The following CNTNAP5 variants were observed in gnomAD, a reference collection of about 807,000 sequenced individuals.
The protein encoded by CNTNAP5 is contactin associated protein family member 5.
Under a neutral mutation model 150.2 loss-of-function variants are expected in CNTNAP5, and 72 were observed. The observed-to-expected ratio is 0.48, with a 90% confidence interval of 0.40 to 0.58. The LOEUF (loss-of-function observed/expected upper bound fraction) is 0.58. Among genes scored for constraint, CNTNAP5 ranks in the 20% least tolerant of loss-of-function variants. CNTNAP5 has a pLI of 0.00. For synonymous variants in CNTNAP5, 672 were observed against 619.8 expected, an observed-to-expected ratio of 1.08 and a Z score of -1.25; for missense variants, 1,636 against 1,626.2, an observed-to-expected ratio of 1.01 and a Z score of -0.10.
chr2:124,164,305 T>C (rs1484557036), intron 1 of CNTNAP5, among the ~76,000 whole-genome samples: 1 of 152,192 alleles, frequency 6.6e-6, no homozygotes, highest in African/African-American at 2.4e-5. Flanking sequence ...AGTGACTGGC[T>C]ATCTCCTCAA....
chr2:124,410,895 G>A (rs1333653964), intron 3 of CNTNAP5, among the ~76,000 whole-genome samples: 1 of 151,490 alleles, frequency 6.6e-6, no homozygotes, highest in Non-Finnish European at 1.5e-5. Flanking sequence ...AGAACTGAAG[G>A]AAATAGAGAC....
chr2:124,670,648 TG>T (rs1678804831), intron 13 of CNTNAP5, among the ~76,000 whole-genome samples: 1 of 126,694 alleles, frequency 7.9e-6, no homozygotes, highest in Non-Finnish European at 1.7e-5. Flanking sequence ...TTGCACTTGT[TG>T]TTGTTGTTTG....
At chr2:124,477,951 ACACT>A (rs1363700929) in intron 7 of CNTNAP5, among the ~76,000 whole-genome samples, 1 of 152,076 alleles carries the variant, frequency 6.6e-6, no homozygotes, top group Non-Finnish European at 1.5e-5. Context: ...AAAACATTGC[ACACT>A]CATTGTTCAT....
In CNTNAP5 at chr2:124,463,746, G is replaced by A. The variant is rs551256260; in HGVS notation, c.919-10993G>A. On this transcript the variant is annotated intron_variant, in intron 6 of 23. Coordinates refer to ENST00000682447, the MANE Select transcript of CNTNAP5 (RefSeq NM_001367498.1). ...CAATGTTTCAGGCAAATGAGGACAA[G>A]TTGGTCACCTTAGCCTGGGACTTTT... is the stretch of plus-strand genomic sequence containing the variant. Among the ~76,000 whole-genome samples, 60 of 152,310 alleles carry A rather than the reference G, an allele frequency of 3.9e-4. No homozygotes were observed. The Middle Eastern group carries it at 0.014, about 35-fold the overall frequency.
intron 19 of CNTNAP5, among the ~76,000 whole-genome samples, chr2:124,811,854 A>C (rs1451487883): frequency 2.0e-5 from 3 of 147,330 alleles, no homozygotes; most frequent in Non-Finnish European, 3.0e-5. Flanking sequence ...AGGCAGGAGA[A>C]TCGCTTGAAC....
chr2:124,443,111 T>C (rs144444140), intron 5 of CNTNAP5, among the ~76,000 whole-genome samples: 1 of 152,126 alleles, frequency 6.6e-6, no homozygotes, highest in East Asian at 1.9e-4. Context: ...CCAAGCGAGA[T>C]AATATCCACA....
At position 124,508,188 on chromosome 2, in the gene CNTNAP5, C is replaced by T. The variant is rs767714470; in HGVS notation, c.1327+3632C>T. 5.9e-5 allele frequency among the ~76,000 whole-genome samples: 9 copies of T among 152,216 alleles called. No individual in the cohort carries two copies. In the South Asian group the frequency reaches 6.2e-4, roughly 11 times the overall value. On this transcript the variant is annotated intron_variant, in intron 8 of 23. Coordinates refer to ENST00000682447, the MANE Select transcript of CNTNAP5 (RefSeq NM_001367498.1). ...CTATTTAACACATTTTTCTTCCTTCCGTGCTGACTCAAGAGATACAGCTAG... is the reference window on the plus strand; with the variant it reads ...CTATTTAACACATTTTTCTTCCTTCTGTGCTGACTCAAGAGATACAGCTAG...
intron 3 of CNTNAP5, among the ~76,000 whole-genome samples, chr2:124,280,871 T>C (rs751416542): frequency 6.6e-6 from 1 of 152,130 alleles, no homozygotes; most frequent in Non-Finnish European, 1.5e-5. Context: ...GAAGCCACCA[T>C]TTCTGTTATT....
At chr2:124,078,117 C>A (rs1441301160) in intron 1 of CNTNAP5, among the ~76,000 whole-genome samples, 2 of 152,116 alleles carry the variant, frequency 1.3e-5, no homozygotes, top group Admixed American at 6.6e-5. Context: ...AGATTCAATC[C>A]TTGAAAGGAC....
At chr2:124,280,917 C>T (rs901075417) in intron 3 of CNTNAP5, among the ~76,000 whole-genome samples, 15 of 152,236 alleles carry the variant, frequency 9.9e-5, no homozygotes, top group Middle Eastern at 3.4e-3. Flanking sequence ...TAGACCTTCC[C>T]ATAACCAAAA....
intron 21 of CNTNAP5, among the ~76,000 whole-genome samples, chr2:124,899,449 T>C (rs954530522): frequency 1.3e-5 from 2 of 151,572 alleles, no homozygotes; most frequent in African/African-American, 4.9e-5. Context: ...ATCAAGAACC[T>C]TATTTTGATG....
intron 3 of CNTNAP5, among the ~76,000 whole-genome samples, chr2:124,339,795 G>A (rs1294012614): frequency 1.3e-5 from 2 of 152,080 alleles, no homozygotes; most frequent in African/African-American, 4.8e-5. Flanking sequence ...GGTGGGCAGG[G>A]GTGAGGGAAT....
In CNTNAP5 at chr2:124,635,360, A is replaced by G. The variant is rs537493033; in HGVS notation, c.1877-12398A>G. Among the ~76,000 whole-genome samples, 12 of 152,284 alleles carry G rather than the reference A, an allele frequency of 7.9e-5. No homozygotes were observed. The East Asian group carries it at 2.3e-3, about 29-fold the overall frequency. On this transcript the variant is annotated intron_variant, in intron 12 of 23. Coordinates refer to ENST00000682447, the MANE Select transcript of CNTNAP5 (RefSeq NM_001367498.1). ...CCATTAGAAATTGCCACCATGTTCC[A>G]GTCACCTCCCACCAGGATTCATCTC...
intron 4 of CNTNAP5, among the ~76,000 whole-genome samples, chr2:124,422,029 G>A (rs1052543999): frequency 1.1e-4 from 17 of 152,168 alleles, no homozygotes; most frequent in Admixed American, 1.1e-3. Flanking sequence ...ATGAGACCAG[G>A]CACCTTGTCT....
At chr2:124,333,888 A>G (rs1689409148) in intron 3 of CNTNAP5, among the ~76,000 whole-genome samples, 1 of 152,244 alleles carries the variant, frequency 6.6e-6, no homozygotes, top group East Asian at 1.9e-4. Context: ...TGCCCGCTGC[A>G]TAATGACCAG....
intron 13 of CNTNAP5, among the ~76,000 whole-genome samples, chr2:124,705,530 A>T (rs572305694): frequency 3.2e-4 from 47 of 146,748 alleles, no homozygotes; most frequent in Non-Finnish European, 6.1e-4. Context: ...TCCATCTCAA[A>T]AAAATAAAAA....
intron 19 of CNTNAP5, among the ~76,000 whole-genome samples, chr2:124,828,734 GCAAAAAAAAAAAAAAAA>G: frequency 3.6e-5 from 1 of 27,498 alleles, no homozygotes; most frequent in African/African-American, 1.4e-4. Flanking sequence ...GCAAGTGTTG[GCAAAAAAAAAAAAAAAA>G]AAAAAAAAAA....
intron 2 of CNTNAP5, among the ~76,000 whole-genome samples, chr2:124,226,210 A>G (rs571918105): frequency 6.6e-6 from 1 of 151,354 alleles, no homozygotes; most frequent in South Asian, 2.1e-4. Context: ...AACTATGCTA[A>G]TTTACATTCC....
chr2:124,265,948 T>C (rs1237933277), intron 3 of CNTNAP5, among the ~76,000 whole-genome samples: 2 of 152,140 alleles, frequency 1.3e-5, no homozygotes, highest in African/African-American at 4.8e-5. Flanking sequence ...GTGTCTAGTG[T>C]TGACAACCTT....
Sources: allele counts gnomAD v4.1 joint callset (sites outside exome capture counted in the v4.1 genomes callset), GRCh38; gene constraint gnomAD v4.1.1; transcripts MANE v1.5; gene names NCBI Gene and HGNC (gene_info 2026-07-23, HGNC 2026-07-21).